The following CCDC102B variants were observed in gnomAD, a reference collection of about 807,000 sequenced individuals.
CCDC102B encodes the protein coiled-coil domain containing 102B.
CCDC102B carries 75 observed loss-of-function variants against 57.4 expected under a neutral mutation model. The ratio of observed to expected loss-of-function variants is 1.31; its 90% CI spans 1.08 to 1.58. The LOEUF is 1.58. CCDC102B is among the 40% of genes most tolerant of loss of function. CCDC102B has a pLI of 0.00. For missense variants in CCDC102B, 636 were observed against 582.6 expected (o/e 1.09, Z -0.94); for synonymous variants, 206 against 201.9 (o/e 1.02, Z -0.17).
intron 2 of CCDC102B, 48 bp downstream of exon 2, chr18:68,837,417 A>T (rs768737808): frequency 6.5e-7 from 1 of 1,529,788 alleles, no homozygotes; most frequent in South Asian, 1.3e-5. Flanking sequence ...GGTCATATAT[A>T]GTGATGGGGA....
intron 2 of CCDC102B, among the ~76,000 whole-genome samples, chr18:68,752,816 C>T (rs1051338105): frequency 6.6e-6 from 1 of 152,072 alleles, no homozygotes; most frequent in South Asian, 2.1e-4. Context: ...AGGTCTGTAG[C>T]TTTATCTTAA....
At chr18:68,760,319 A>G (rs1041824785) in intron 2 of CCDC102B, among the ~76,000 whole-genome samples, 1 of 152,104 alleles carries the variant, frequency 6.6e-6, no homozygotes, top group Non-Finnish European at 1.5e-5. Flanking sequence ...AGAGGAGTTT[A>G]AATCAGAGTG....
chr18:68,753,397 C>G (rs2033935504), intron 2 of CCDC102B: 1 of 152,078 alleles, frequency 6.6e-6, no homozygotes, highest in Admixed American at 6.6e-5. Context: ...TATCTCCAGT[C>G]TTGGGGATAA....
chr18:68,881,902 T>C (rs1350246602), intron 5 of CCDC102B, among the ~76,000 whole-genome samples: 2 of 152,200 alleles, frequency 1.3e-5, no homozygotes, highest in East Asian at 1.9e-4. Flanking sequence ...TGTATTGTTA[T>C]AAATTTATTT....
intron 2 of CCDC102B, among the ~76,000 whole-genome samples, chr18:68,782,983 A>G (rs2035057499): frequency 6.6e-6 from 1 of 152,184 alleles, no homozygotes; most frequent in South Asian, 2.1e-4. Context: ...CCTGCCATTT[A>G]CATTTAATGA....
chr18:68,741,439 G>A (rs967075464), intron 2 of CCDC102B, among the ~76,000 whole-genome samples: 17 of 152,148 alleles, frequency 1.1e-4, no homozygotes, highest in Non-Finnish European at 2.2e-4. Flanking sequence ...CTCAATCTCA[G>A]TGCAATTCTG....
chr18:68,762,727 A>G (rs1258792591), intron 2 of CCDC102B, among the ~76,000 whole-genome samples: 3 of 152,200 alleles, frequency 2.0e-5, no homozygotes, highest in Admixed American at 2.0e-4. Flanking sequence ...AGGAAAACAG[A>G]ATTCATGCTA....
intron 7 of CCDC102B, among the ~76,000 whole-genome samples, chr18:69,022,223 A>AT (rs1160074383): frequency 3.6e-4 from 36 of 100,582 alleles, no homozygotes; most frequent in Admixed American, 8.4e-4. Context: ...ATATATATAT[A>AT]ACACACACAC....
intron 6 of CCDC102B, among the ~76,000 whole-genome samples, chr18:68,934,919 G>A (rs1370327636): frequency 6.6e-6 from 1 of 151,896 alleles, no homozygotes; most frequent in Admixed American, 6.6e-5. Context: ...TGAGGACATA[G>A]TATGCTGAGA....
At chr18:68,854,827 A>T (rs1394068596) in intron 4 of CCDC102B, among the ~76,000 whole-genome samples, 1 of 152,176 alleles carries the variant, frequency 6.6e-6, no homozygotes, top group African/African-American at 2.4e-5. Context: ...GTTGCTGAGA[A>T]TTAGCACTGC....
intron 2 of CCDC102B, among the ~76,000 whole-genome samples, chr18:68,782,202 A>C (rs1380594980): frequency 6.6e-6 from 1 of 152,058 alleles, no homozygotes; most frequent in African/African-American, 2.4e-5. Flanking sequence ...GGATTAAATT[A>C]TGTATTTTTA....
At chr18:68,779,764 T>G (rs1164339397) in intron 2 of CCDC102B, among the ~76,000 whole-genome samples, 2 of 152,096 alleles carry the variant, frequency 1.3e-5, no homozygotes, top group African/African-American at 4.8e-5. Flanking sequence ...GGCTTGCTAT[T>G]GATTATAAGG....
intron 4 of CCDC102B, among the ~76,000 whole-genome samples, chr18:68,874,333 CAGGAT>C: frequency 6.6e-6 from 1 of 151,886 alleles, no homozygotes; most frequent in Middle Eastern, 3.4e-3. Flanking sequence ...TACTAATATT[CAGGAT>C]GAAAAGATAA....
At chr18:68,738,831 C>T (rs2033257349) in intron 2 of CCDC102B, among the ~76,000 whole-genome samples, 1 of 152,112 alleles carries the variant, frequency 6.6e-6, no homozygotes, top group African/African-American at 2.4e-5. Flanking sequence ...CTCCCCAGAC[C>T]TCTCTGAATC....
intron 6 of CCDC102B, among the ~76,000 whole-genome samples, chr18:68,927,859 G>A (rs1247913177): frequency 6.6e-6 from 1 of 151,886 alleles, no homozygotes; most frequent in Non-Finnish European, 1.5e-5. Context: ...AGGTAAATGA[G>A]ATTGGTACAC....
intron 6 of CCDC102B, among the ~76,000 whole-genome samples, chr18:69,007,912 T>C (rs984063249): frequency 2.6e-5 from 4 of 152,208 alleles, no homozygotes; most frequent in Non-Finnish European, 5.9e-5. Context: ...TTTCCTTGTA[T>C]GAACACTGAA....
chr18:68,857,366 T>A (rs1196428067), intron 4 of CCDC102B, among the ~76,000 whole-genome samples: 1 of 101,352 alleles, frequency 9.9e-6, no homozygotes, highest in Non-Finnish European at 1.9e-5. Flanking sequence ...TATATATTTA[T>A]TTCTATATAT....
intron 7 of CCDC102B, among the ~76,000 whole-genome samples, chr18:69,032,857 T>C (rs2052185189): frequency 6.6e-6 from 1 of 152,100 alleles, no homozygotes; most frequent in African/African-American, 2.4e-5. Flanking sequence ...CTCTCACTGG[T>C]CGTGAAGCTG....
chr18:68,961,963 A>G (rs1306323385), intron 6 of CCDC102B, among the ~76,000 whole-genome samples: 2 of 151,976 alleles, frequency 1.3e-5, no homozygotes, highest in Admixed American at 6.6e-5. Context: ...TTTACTGCAG[A>G]TATTATTTTT....
Sources: allele counts gnomAD v4.1 joint callset (sites outside exome capture counted in the v4.1 genomes callset), GRCh38; gene constraint gnomAD v4.1.1; transcripts MANE v1.5; gene names NCBI Gene and HGNC (gene_info 2026-07-23, HGNC 2026-07-21).